Variants in ANK1 observed in about 807,000 individuals in gnomAD.
ANK1 encodes ankyrin 1.
Under a neutral mutation model 210.4 loss-of-function variants are expected in ANK1, and 51 were observed. The ratio of observed to expected loss-of-function variants is 0.24; its 90% CI spans 0.19 to 0.31. The LOEUF (loss-of-function observed/expected upper bound fraction) is 0.31. Among genes scored for constraint, ANK1 ranks in the 10% least tolerant of loss-of-function variants. ANK1 has a pLI of 1.00. For missense variants in ANK1, 2,051 were observed against 2,504.4 expected, an observed-to-expected ratio of 0.82 and a Z score of 3.86; for synonymous variants, 967 against 1,025.9, an observed-to-expected ratio of 0.94 and a Z score of 1.10.
At chr8:41,849,238 G>T (rs887134876) in intron 1 of ANK1, among the ~76,000 whole-genome samples, 9 of 152,204 alleles carry the variant, frequency 5.9e-5, no homozygotes, top group African/African-American at 1.9e-4. Context: ...AGGGACCTGT[G>T]CTCTTCTGAA....
intron 1 of ANK1, among the ~76,000 whole-genome samples, chr8:41,766,904 G>A (rs1389425560): frequency 6.6e-6 from 1 of 152,170 alleles, no homozygotes; most frequent in Non-Finnish European, 1.5e-5. Flanking sequence ...CCGCAAGCCA[G>A]GTCCCCGCCC....
At chr8:41,755,220 G>A (rs374280196) in intron 2 of ANK1, among the ~76,000 whole-genome samples, 63 of 152,334 alleles carry the variant, frequency 4.1e-4, no homozygotes, top group Non-Finnish European at 8.1e-4. Flanking sequence ...AGCCCAAAAC[G>A]AACCGAAGAG....
chr8:41,731,784 G>A (rs1832241918), intron 3 of ANK1, among the ~76,000 whole-genome samples: 1 of 152,204 alleles, frequency 6.6e-6, no homozygotes, highest in African/African-American at 2.4e-5. Context: ...ACCTGGGGAG[G>A]AGATTCGGAA....
chr8:41,849,293 T>G (rs1810709812), intron 1 of ANK1, among the ~76,000 whole-genome samples: 1 of 152,228 alleles, frequency 6.6e-6, no homozygotes, highest in Non-Finnish European at 1.5e-5. Context: ...TTTATCAACC[T>G]CATCCCATGG....
At chr8:41,802,730 A>G (rs994775856) in intron 1 of ANK1, among the ~76,000 whole-genome samples, 3 of 151,900 alleles carry the variant, frequency 2.0e-5, no homozygotes, top group Non-Finnish European at 4.4e-5. Context: ...GCAACATGGC[A>G]AAACCCCATC....
chr8:41,777,238 G>C (rs111258740), intron 1 of ANK1, among the ~76,000 whole-genome samples: 1,600 of 152,224 alleles, frequency 0.011, 35 homozygotes, highest in African/African-American at 0.036. Context: ...ATATTGAAGG[G>C]TGTCTAGGGG....
intron 1 of ANK1, among the ~76,000 whole-genome samples, chr8:41,872,351 C>T (rs1815701221): frequency 6.6e-6 from 1 of 152,226 alleles, no homozygotes; most frequent in South Asian, 2.1e-4. Flanking sequence ...TCCTGCCGGG[C>T]CCTAAGGCGA....
intron 1 of ANK1, among the ~76,000 whole-genome samples, chr8:41,806,857 G>C (rs966382326): frequency 6.6e-6 from 1 of 152,206 alleles, no homozygotes; most frequent in African/African-American, 2.4e-5. Context: ...GAAATCCCTG[G>C]TTATGCCTGC....
At chr8:41,833,243 T>C (rs1807011213) in intron 1 of ANK1, among the ~76,000 whole-genome samples, 1 of 152,080 alleles carries the variant, frequency 6.6e-6, no homozygotes, top group Admixed American at 6.5e-5. Context: ...CTAGATAGAC[T>C]CTGCACCCAG....
chr8:41,681,400 T>C (rs1229525118), intron 37 of ANK1, among the ~76,000 whole-genome samples: 1 of 152,262 alleles, frequency 6.6e-6, no homozygotes, highest in African/African-American at 2.4e-5. Flanking sequence ...GGCCGTCCTC[T>C]CCTATGTGGG....
chr8:41,696,298 T>A (rs769121582), intron 26 of ANK1, 65 bp downstream of exon 26: 2 of 1,563,234 alleles, frequency 1.3e-6, no homozygotes, highest in Non-Finnish European at 1.8e-6. Context: ...TCAGGACAGA[T>A]GGAAATGGCG....
chr8:41,719,622 C>T (rs1210066598), intron 10 of ANK1, 39 bp downstream of exon 10: 1 of 1,613,464 alleles, frequency 6.2e-7, no homozygotes, highest in East Asian at 2.2e-5. Context: ...CCAGCCTGCC[C>T]TGCCACTCTG....
chr8:41,818,590 T>TCTTTCTTTCTTTCCTTCTCTTTCC (rs1803690059), intron 1 of ANK1, among the ~76,000 whole-genome samples: 2 of 152,234 alleles, frequency 1.3e-5, no homozygotes, highest in African/African-American at 4.8e-5. Context: ...TTTCTTTCTT[T>TCTTTCTTTCTTTCCTTCTCTTTCC]CTTTCTTTCC....
chr8:41,736,195 G>A (rs1165655462), intron 2 of ANK1, among the ~76,000 whole-genome samples: 1 of 152,214 alleles, frequency 6.6e-6, no homozygotes, highest in Non-Finnish European at 1.5e-5. Flanking sequence ...AGGAGAAGGG[G>A]AGAGAGCACT....
chr8:41,716,881 AGGATGG>A, intron 13 of ANK1, 66 bp downstream of exon 13: 1 of 1,475,646 alleles, frequency 6.8e-7, no homozygotes, highest in Non-Finnish European at 9.5e-7. Context: ...GCCTGGAATG[AGGATGG>A]GTTCTCTGCA....
intron 1 of ANK1, among the ~76,000 whole-genome samples, chr8:41,837,647 G>C (rs901737631): frequency 6.6e-6 from 1 of 152,158 alleles, no homozygotes. Flanking sequence ...TGAGGTGGGT[G>C]GATCACTTGA....
chr8:41,761,741 A>C (rs1458081776), intron 1 of ANK1, among the ~76,000 whole-genome samples: 2 of 152,118 alleles, frequency 1.3e-5, no homozygotes, highest in East Asian at 1.9e-4. Flanking sequence ...TGGAACTCTC[A>C]TCCTCCTCCA....
intron 2 of ANK1, among the ~76,000 whole-genome samples, chr8:41,736,827 C>T (rs922743793): frequency 1.3e-5 from 2 of 152,134 alleles, no homozygotes; most frequent in Non-Finnish European, 2.9e-5. Flanking sequence ...ATGCAGGACT[C>T]GAAAGGGATA....
chr8:41,739,521 CTT>C (rs71239075), intron 2 of ANK1, among the ~76,000 whole-genome samples: 1,576 of 116,070 alleles, frequency 0.014, 23 homozygotes, highest in African/African-American at 0.037. Flanking sequence ...TTTTTTCTTT[CTT>C]TTTTTTTTTT....
Sources: gnomAD v4.1 joint callset for allele counts (sites outside exome capture counted in the v4.1 genomes callset) on GRCh38, gnomAD v4.1.1 for gene constraint, MANE v1.5 for transcripts, NCBI Gene and HGNC (gene_info 2026-07-23, HGNC 2026-07-21) for gene names.